The following GRIK2 variants were observed in gnomAD, a reference collection of about 807,000 sequenced individuals.
GRIK2 encodes the protein glutamate ionotropic receptor kainate type subunit 2, also known as glutamate receptor ionotropic, kainate 2.
In GRIK2, 32 loss-of-function variants were observed where a neutral mutation model predicts 100.3. That is an observed-to-expected ratio of 0.32 (90% CI 0.24 to 0.43). The LOEUF is 0.43. Ranked by LOEUF, GRIK2 falls within the 20% of genes least tolerant of loss-of-function variation. The probability of loss-of-function intolerance (pLI) is 1.00; values close to 1 mark genes in which losing one functional copy is unlikely to be tolerated. For synonymous variants in GRIK2, 417 were observed against 389.4 expected (o/e 1.07, Z -0.83); for missense variants, 843 against 1,114.9 (o/e 0.76, Z 3.47).
At chr6:102,049,414 C>A (rs555972545) in intron 15 of GRIK2, among the ~76,000 whole-genome samples, 1 of 152,022 alleles carries the variant, frequency 6.6e-6, no homozygotes, top group Non-Finnish European at 1.5e-5. Flanking sequence ...TAAAGCCATA[C>A]AAATTGAATT....
intron 2 of GRIK2, among the ~76,000 whole-genome samples, chr6:101,465,728 A>C (rs996537941): frequency 6.6e-6 from 1 of 152,164 alleles, no homozygotes; most frequent in Non-Finnish European, 1.5e-5. Context: ...GCAGTTGCAA[A>C]AATATTACTC....
At chr6:101,786,221 TA>T (rs1357683263) in intron 7 of GRIK2, among the ~76,000 whole-genome samples, 1 of 151,960 alleles carries the variant, frequency 6.6e-6, no homozygotes, top group Non-Finnish European at 1.5e-5. Context: ...TTAGGTTTTT[TA>T]AAACATAAGA....
At chr6:101,914,398 G>C (rs1047060889) in intron 12 of GRIK2, among the ~76,000 whole-genome samples, 1 of 151,558 alleles carries the variant, frequency 6.6e-6, no homozygotes, top group Non-Finnish European at 1.5e-5. Context: ...AATATGGAAT[G>C]GGTTGAGCAC....
At position 102,035,321 on chromosome 6, in the gene GRIK2, C is replaced by T. The variant is rs201018301; in HGVS notation, c.2086-20C>T. ...TAAAGAATAACTTTCTCGTGACCAA[C>T]TTATATTTATTTTCTTCAGAAATCA... On this transcript the variant is annotated intron_variant, in intron 14 of 16. Coordinates refer to ENST00000369134, the MANE Select transcript of GRIK2 (RefSeq NM_021956.5). 6.9e-7 allele frequency: 1 copy of T among 1,447,918 alleles called. No homozygotes were observed. The highest frequency in any genetic ancestry group is 1.4e-5 in the African/African-American group (1 of 71,140). 89.7% of individuals were successfully genotyped at this position (1,447,918 alleles called of 1,614,324 possible).
chr6:101,826,837 G>A lies in GRIK2; in HGVS notation c.1317+8354G>A, dbSNP rs117735290. Among the ~76,000 whole-genome samples the A allele has an allele frequency of 2.9e-3, 446 of 152,038 alleles. 14 individuals carry two copies. In the East Asian group the frequency reaches 0.08, roughly 27 times the overall value. On this transcript the variant is annotated intron_variant, in intron 10 of 16. Transcript: ENST00000369134. ...AAGCATGAATGATAGTCACTATGCCGAATCCTCCCTTAAGATATATTACTC... is the reference window on the plus strand; with the variant it reads ...AAGCATGAATGATAGTCACTATGCCAAATCCTCCCTTAAGATATATTACTC...
At chr6:101,599,288 C>T (rs1779081592) in intron 2 of GRIK2, among the ~76,000 whole-genome samples, 2 of 151,592 alleles carry the variant, frequency 1.3e-5, no homozygotes, top group African/African-American at 4.8e-5. Context: ...CCATGATGTA[C>T]CTGTATTATA....
chr6:101,603,268 A>G lies in GRIK2; in HGVS notation c.116-18681A>G, dbSNP rs149411394. On this transcript the variant is annotated intron_variant, in intron 2 of 16. Coordinates refer to ENST00000369134, the MANE Select transcript of GRIK2 (RefSeq NM_021956.5). The stretch of plus-strand genomic sequence containing the variant: ...ATGTTGACATCAAGCCAAAGGGGAT[A>G]TGTAGTTAATTTACCTAACTTAATC... Among the ~76,000 whole-genome samples the G allele has an allele frequency of 2.2e-3, 332 of 151,850 alleles. 1 individual carries two copies. The highest frequency in any genetic ancestry group is 3.6e-3 in the Non-Finnish European group (246 of 67,796).
At chr6:101,453,572 A>C (rs1770831340) in intron 2 of GRIK2, among the ~76,000 whole-genome samples, 1 of 152,036 alleles carries the variant, frequency 6.6e-6, no homozygotes, top group South Asian at 2.1e-4. Flanking sequence ...TATACTTTAA[A>C]TTGATAGCGC....
intron 2 of GRIK2, among the ~76,000 whole-genome samples, chr6:101,507,047 A>G (rs766147828): frequency 1.3e-5 from 2 of 152,120 alleles, no homozygotes; most frequent in African/African-American, 4.8e-5. Context: ...ACTCTTTCCT[A>G]TGTTTAATTA....
At chr6:102,008,364 A>G (rs918473419) in intron 14 of GRIK2, among the ~76,000 whole-genome samples, 5 of 152,134 alleles carry the variant, frequency 3.3e-5, no homozygotes, top group Non-Finnish European at 7.4e-5. Flanking sequence ...CAAGATAGGC[A>G]TAAGCTGTTT....
Position 101,725,256 on chromosome 6 carries a change from A to G in GRIK2, c.951+38903A>G, listed in dbSNP as rs115567545. ...CAAAAAGTTGGATTTCCCAAGAGCA[A>G]CACCATTGGGAAAACATTTTAGTAA... On this transcript the variant is annotated intron_variant, in intron 7 of 16. Coordinates refer to ENST00000369134, the MANE Select transcript of GRIK2 (RefSeq NM_021956.5). Among the ~76,000 whole-genome samples the G allele has an allele frequency of 3.6e-3, 551 of 152,156 alleles. 8 individuals are homozygous for G. Among genetic ancestry groups the G allele is most frequent in the African/African-American group, 0.012 (505 of 41,536 alleles).
At chr6:101,830,934 A>G (rs1244545806) in intron 10 of GRIK2, among the ~76,000 whole-genome samples, 1 of 152,012 alleles carries the variant, frequency 6.6e-6, no homozygotes, top group Non-Finnish European at 1.5e-5. Flanking sequence ...TGGAAACAAG[A>G]TGGGAACAAT....
At chr6:101,828,326 T>C (rs1352881864) in intron 10 of GRIK2, among the ~76,000 whole-genome samples, 1 of 151,782 alleles carries the variant, frequency 6.6e-6, no homozygotes, top group Non-Finnish European at 1.5e-5. Context: ...ATCAAGAAGA[T>C]AGAAAGATCT....
chr6:101,960,053 G>GTTTTTTTTTTTT (rs781532291), intron 14 of GRIK2, among the ~76,000 whole-genome samples: 1 of 131,030 alleles, frequency 7.6e-6, no homozygotes, highest in African/African-American at 2.9e-5. Flanking sequence ...TTAGTGTTTT[G>GTTTTTTTTTTTT]TTTTTTTTTT....
intron 14 of GRIK2, among the ~76,000 whole-genome samples, chr6:101,940,860 T>C (rs1278330610): frequency 6.6e-6 from 1 of 152,144 alleles, no homozygotes; most frequent in Non-Finnish European, 1.5e-5. Flanking sequence ...AATATGAAAT[T>C]TCAATTATTT....
chr6:101,929,744 A>G (rs1485220200), intron 14 of GRIK2, among the ~76,000 whole-genome samples: 1 of 152,256 alleles, frequency 6.6e-6, no homozygotes, highest in African/African-American at 2.4e-5. Flanking sequence ...TCTGGAGGAC[A>G]TCCAATTCCC....
At chr6:101,679,573 T>C (rs1248863154) in intron 5 of GRIK2, among the ~76,000 whole-genome samples, 1 of 152,172 alleles carries the variant, frequency 6.6e-6, no homozygotes, top group East Asian at 1.9e-4. Flanking sequence ...AAAGTAGCAG[T>C]AAGACATGCT....
intron 2 of GRIK2, among the ~76,000 whole-genome samples, chr6:101,596,878 C>T (rs908429412): frequency 5.9e-5 from 9 of 151,742 alleles, no homozygotes; most frequent in East Asian, 3.9e-4. Flanking sequence ...AATAACCAAT[C>T]GCATTACAGG....
intron 7 of GRIK2, among the ~76,000 whole-genome samples, chr6:101,738,225 CA>C (rs1385888308): frequency 2.0e-5 from 3 of 148,658 alleles, no homozygotes; most frequent in African/African-American, 7.3e-5. Context: ...TTGTAATTGA[CA>C]ATTGTCAAAT....
Sources: allele counts gnomAD v4.1 joint callset (sites outside exome capture counted in the v4.1 genomes callset), GRCh38; gene constraint gnomAD v4.1.1; transcripts MANE v1.5; gene names NCBI Gene and HGNC (gene_info 2026-07-23, HGNC 2026-07-21).